Variants in CIT observed in about 807,000 individuals in gnomAD.
CIT encodes the protein citron Rho-interacting kinase.
In CIT, 79 loss-of-function variants were observed where a neutral mutation model predicts 272.7. The observed-to-expected ratio is 0.29, with a 90% CI of 0.24 to 0.35. The LOEUF (loss-of-function observed/expected upper bound fraction) is 0.35. Ranked by LOEUF, CIT falls within the 10% of genes least tolerant of loss-of-function variation. The pLI is 1.00. For synonymous variants in CIT, 948 were observed against 995.6 expected, an observed-to-expected ratio of 0.95 and a Z score of 0.90; for missense variants, 1,909 against 2,618.3, an observed-to-expected ratio of 0.73 and a Z score of 5.91.
Position 119,768,549 on chromosome 12 carries a change from T to C in CIT, c.2209-1367A>G, listed in dbSNP as rs995990266. ...TGAGATTCACACACACTTAAAATGTTAGTGATTAAGCTTTTGATATTCTAA... is the reference window on the plus strand; with the variant it reads ...TGAGATTCACACACACTTAAAATGTCAGTGATTAAGCTTTTGATATTCTAA... On this transcript the variant is annotated intron_variant, in intron 18 of 47. Transcript: ENST00000392521. The surrounding 1 kb of genome is among the most constrained non-coding windows in gnomAD (Gnocchi z 4.3). 2.0e-5 allele frequency among the ~76,000 whole-genome samples: 3 copies of C among 152,190 alleles called. No homozygotes were observed. The highest frequency in any genetic ancestry group is 4.4e-5 in the Non-Finnish European group (3 of 68,042).
At chr12:119,726,910 T>C (rs139211160) in intron 28 of CIT, among the ~76,000 whole-genome samples, 1 of 152,336 alleles carries the variant, frequency 6.6e-6, no homozygotes, top group African/African-American at 2.4e-5. Context: ...TGAGCTTGTC[T>C]ATTATGCTTC....
chr12:119,739,327 A>G (rs1323771855), intron 24 of CIT, among the ~76,000 whole-genome samples: 1 of 152,198 alleles, frequency 6.6e-6, no homozygotes, highest in Non-Finnish European at 1.5e-5. Context: ...AAATGGTCTG[A>G]GCTTGAAAAT....
At position 119,692,441 on chromosome 12, in the gene CIT, C is replaced by T. The variant is rs185273732; in HGVS notation, c.5883-1987G>A. Among the ~76,000 whole-genome samples, 3 of 152,368 alleles carry T rather than the reference C, an allele frequency of 2.0e-5. No homozygotes were observed. In the East Asian group the frequency reaches 5.8e-4, roughly 29 times the overall value. Reference sequence around the variant, plus strand: ...TGGTCTAACTGTATCAGAACCTCTTCTGTCAACGTCCATAATTGAGAAGCG... The same window carrying T: ...TGGTCTAACTGTATCAGAACCTCTTTTGTCAACGTCCATAATTGAGAAGCG... On this transcript the variant is annotated intron_variant, in intron 46 of 47. Transcript: ENST00000392521.
rs561827472 is a variant in CIT, at chr12:119,722,019, AAAG to A, written c.3592-573_3592-571del. ...GACATATTTCTACAACGTTGGGGGA[AAAG>A]AAGAAGATCCCAGTTATAGTACAGA... On this transcript the variant is annotated intron_variant, in intron 28 of 47. Transcript: ENST00000392521. Among the ~76,000 whole-genome samples the A allele has an allele frequency of 2.0e-3, 307 of 152,320 alleles. 3 individuals carry two copies. Among genetic ancestry groups the A allele is most frequent in the African/African-American group, 6.9e-3 (288 of 41,572 alleles).
intron 12 of CIT, 158 bp downstream of exon 12, chr12:119,783,750 A>G (rs1057332324): frequency 1.0e-5 from 9 of 870,152 alleles, no homozygotes; most frequent in African/African-American, 1.0e-4. Context: ...CCTGGCTCTC[A>G]CTACTCTGCA....
chr12:119,812,305 G>A (rs1593836295), intron 9 of CIT, among the ~76,000 whole-genome samples: 1 of 152,124 alleles, frequency 6.6e-6, no homozygotes, highest in East Asian at 1.9e-4. Context: ...CCTGCTTGCT[G>A]TAGGCCCAGG....
intron 7 of CIT, among the ~76,000 whole-genome samples, chr12:119,831,532 T>C (rs975026011): frequency 2.6e-5 from 4 of 152,150 alleles, no homozygotes; most frequent in Non-Finnish European, 5.9e-5. Flanking sequence ...CCAAGCCTTT[T>C]CTTAACATCA....
At chr12:119,701,787 T>C in intron 42 of CIT, 35 bp from the exon 43 acceptor site, 1 of 1,613,824 alleles carries the variant, frequency 6.2e-7, no homozygotes, top group Non-Finnish European at 8.5e-7. Flanking sequence ...GCTTCAGGAG[T>C]GAGTTCTGAG....
chr12:119,783,683 G>A lies in CIT; in HGVS notation c.1545+225C>T, dbSNP rs969538946. 18 of 446,442 alleles carry A rather than the reference G, an allele frequency of 4.0e-5. No individual in the cohort carries two copies. The Admixed American group carries it at 4.1e-4, about 10-fold the overall frequency. The allele number at this position is 446,442 out of a possible 1,614,324, so 27.7% of individuals were successfully genotyped here. ...ATCTCCAGACTCCATGGTACCAGCC[G>A]TCTACCTGCACTTTCTGCTGGAAAT... On this transcript the variant is annotated intron_variant, in intron 12 of 47. Transcript: ENST00000392521.
chr12:119,720,643 TG>T, intron 29 of CIT, 58 bp from the exon 30 acceptor site: 1 of 1,304,448 alleles, frequency 7.7e-7, no homozygotes, highest in Non-Finnish European at 1.1e-6. Context: ...CTTTTAAAGT[TG>T]GTACTTTAAG....
At chr12:119,825,542 A>T (rs975239968) in intron 7 of CIT, among the ~76,000 whole-genome samples, 174 bp from the exon 8 acceptor site, 6 of 25,748 alleles carry the variant, frequency 2.3e-4, no homozygotes, top group East Asian at 6.0e-3. Context: ...TACTAATTTA[A>T]AAAAAAAAAA....
Position 119,697,781 on chromosome 12 carries a change from A to G in CIT, c.5760T>C (p.Ile1920=), listed in dbSNP as rs1565899215. The G allele has an allele frequency of 6.2e-7, 1 of 1,614,162 alleles. No homozygotes were observed. Among genetic ancestry groups the G allele is most frequent in the Non-Finnish European group, 8.5e-7 (1 of 1,180,028 alleles). ...ACGCCAAGTAAATCGCTCCTGAGGAAATGGCAGGGCCCAGGTAGCGCGGGT... is the reference window on the plus strand; with the variant it reads ...ACGCCAAGTAAATCGCTCCTGAGGAGATGGCAGGGCCCAGGTAGCGCGGGT... The part of the protein sequence containing the change: ...IPNPRYLGPA[I]SSGAIYLASS... The change falls in exon 46 of 48, where the codon ATT becomes ATC. Residue 1920 remains isoleucine, a synonymous_variant. Coordinates refer to ENST00000392521, the MANE Select transcript of CIT (RefSeq NM_001206999.2). This position sits in a 1 kb window ranked among gnomAD's most constrained non-coding sequence, Gnocchi z 4.9.
chr12:119,856,719 G>A (rs973246792), intron 4 of CIT, among the ~76,000 whole-genome samples: 2 of 151,572 alleles, frequency 1.3e-5, no homozygotes, highest in African/African-American at 2.4e-5. Flanking sequence ...TCACATCATC[G>A]TTAATTAATT....
At chr12:119,764,607 CAAAA>C (rs747882945) in intron 19 of CIT, among the ~76,000 whole-genome samples, 4 of 59,610 alleles carry the variant, frequency 6.7e-5, no homozygotes, top group Non-Finnish European at 7.1e-5. Flanking sequence ...GATCCTGTCT[CAAAA>C]AAAAAAAAAA....
intron 9 of CIT, among the ~76,000 whole-genome samples, chr12:119,809,254 G>A (rs1393688672): frequency 2.0e-5 from 3 of 151,976 alleles, no homozygotes; most frequent in African/African-American, 4.8e-5. Context: ...GTACTGAGAC[G>A]GATACAATCA....
At chr12:119,812,347 A>G (rs986913871) in intron 9 of CIT, among the ~76,000 whole-genome samples, 8 of 152,086 alleles carry the variant, frequency 5.3e-5, no homozygotes, top group Non-Finnish European at 8.8e-5. Flanking sequence ...TCCGCCATGA[A>G]TTACGTACAC....
chr12:119,868,295 A>C (rs1440476678), intron 3 of CIT, among the ~76,000 whole-genome samples: 1 of 152,172 alleles, frequency 6.6e-6, no homozygotes, highest in Non-Finnish European at 1.5e-5. Context: ...ATTATACATT[A>C]TTATATTCAT....
At chr12:119,868,820 G>A (rs1950585749) in intron 3 of CIT, among the ~76,000 whole-genome samples, 1 of 152,214 alleles carries the variant, frequency 6.6e-6, no homozygotes, top group African/African-American at 2.4e-5. Flanking sequence ...TTATAGGTAT[G>A]AGCCATTGCA....
At chr12:119,847,493 C>T (rs998055010) in intron 5 of CIT, among the ~76,000 whole-genome samples, 1 of 152,110 alleles carries the variant, frequency 6.6e-6, no homozygotes, top group Non-Finnish European at 1.5e-5. Context: ...ACACAGGAGG[C>T]TAAGACAGGA....
Sources: gnomAD v4.1 joint callset for allele counts (sites outside exome capture counted in the v4.1 genomes callset) on GRCh38, gnomAD v4.1.1 for gene constraint, Gnocchi (gnomAD v3.1) non-coding constraint, MANE v1.5 for transcripts, NCBI Gene and HGNC (gene_info 2026-07-23, HGNC 2026-07-21) for gene names.